Variants in KCNQ1OT1 observed in about 807,000 individuals in gnomAD.
The protein encoded by KCNQ1OT1 is KCNQ1 opposite strand/antisense transcript 1, also known as KCNQ1 antisense RNA 2 (non-protein coding).
exon 1 of KCNQ1OT1, chr11:2,625,529 A>T: frequency 7.6e-6 from 3 of 396,446 alleles, no homozygotes; most frequent in Non-Finnish European, 8.9e-6. Flanking sequence ...ACGTACTATT[A>T]TCCATTTGTA....
Position 2,659,579 on chromosome 11 carries a change from T to A in KCNQ1OT1, n.40416A>T, listed in dbSNP as rs921145239. 2.5e-6 allele frequency: 1 copy of A among 398,368 alleles called. No individual in the cohort carries two copies. The highest frequency in any genetic ancestry group is 1.3e-4 in the South Asian group (1 of 7,852). 24.7% of individuals were successfully genotyped at this position (398,368 alleles called of 1,614,324 possible). ...GTTACTATACACATTTATGTACAGGTTTTTGCGAACATAAAAATTCAATTC... is the reference window on the plus strand; with the variant it reads ...GTTACTATACACATTTATGTACAGGATTTTGCGAACATAAAAATTCAATTC... On this transcript the variant is annotated non_coding_transcript_exon_variant, in exon 1 of 1. Coordinates refer to ENST00000597346, the Ensembl canonical transcript of KCNQ1OT1. This position sits in a 1 kb window ranked among gnomAD's most constrained non-coding sequence, Gnocchi z 4.3.
rs1293227298 is a variant in KCNQ1OT1 at position 2,669,849 on chromosome 11, T to C, written n.30146A>G. On this transcript the variant is annotated non_coding_transcript_exon_variant, in exon 1 of 1. Coordinates refer to ENST00000597346, the Ensembl canonical transcript of KCNQ1OT1. This position sits in a 1 kb window ranked among gnomAD's most constrained non-coding sequence, Gnocchi z 5.6. ...GTCATGAGTTACCATGGGATACAAA[T>C]GGGGTCACAACATATGGCTGTCAGC... The C allele has an allele frequency of 2.5e-6, 1 of 398,508 alleles. No homozygotes were observed. Among genetic ancestry groups the C allele is most frequent in the East Asian group, 3.6e-5 (1 of 28,076 alleles). 24.7% of individuals were successfully genotyped at this position (398,508 alleles called of 1,614,324 possible).
In KCNQ1OT1 at chr11:2,691,260, G is replaced by C; in HGVS notation, n.8735C>G. The C allele has an allele frequency of 2.5e-6, 1 of 398,656 alleles. No homozygotes were observed. Among genetic ancestry groups the C allele is most frequent in the South Asian group, 1.3e-4 (1 of 7,858 alleles). The allele number at this position is 398,656 out of a possible 1,614,324, so 24.7% of individuals were successfully genotyped here. Reference sequence around the variant, plus strand: ...TTAACCCCTTGAGTCTCGGAAGGCTGTTTGAGCCACTAATCAGGAAGGAGA... The same window carrying C: ...TTAACCCCTTGAGTCTCGGAAGGCTCTTTGAGCCACTAATCAGGAAGGAGA... On this transcript the variant is annotated non_coding_transcript_exon_variant, in exon 1 of 1. Coordinates refer to ENST00000597346, the Ensembl canonical transcript of KCNQ1OT1. This position sits in a 1 kb window ranked among gnomAD's most constrained non-coding sequence, Gnocchi z 6.4.
At chr11:2,692,889 C>A (rs1850611307) in exon 1 of KCNQ1OT1, 7 of 398,202 alleles carry the variant, frequency 1.8e-5, no homozygotes, top group Non-Finnish European at 3.1e-5. Flanking sequence ...GTAGATGCAG[C>A]AAGCTGGCTA....
At chr11:2,696,219 T>C in exon 1 of KCNQ1OT1, 1 of 398,690 alleles carries the variant, frequency 2.5e-6, no homozygotes, top group Non-Finnish European at 4.4e-6. Flanking sequence ...TCATTTTTTC[T>C]CCTATTAAAC....
exon 1 of KCNQ1OT1, chr11:2,655,623 A>G: frequency 2.5e-6 from 1 of 398,722 alleles, no homozygotes; most frequent in Non-Finnish European, 4.4e-6. Flanking sequence ...ACTTGCCCTC[A>G]AGCCCTGGCC....
At chr11:2,694,327 G>A (rs1477843742) in exon 1 of KCNQ1OT1, 2 of 398,656 alleles carry the variant, frequency 5.0e-6, no homozygotes, top group Admixed American at 4.4e-5. Context: ...TGTCATCTGC[G>A]GTGCCCCCCA....
chr11:2,695,558 C>G lies in KCNQ1OT1; in HGVS notation n.4437G>C. 2.5e-6 allele frequency: 1 copy of G among 398,686 alleles called. No homozygotes were observed. Among genetic ancestry groups the G allele is most frequent in the Non-Finnish European group, 4.4e-6 (1 of 226,114 alleles). The allele number at this position is 398,686 out of a possible 1,614,324, so 24.7% of individuals were successfully genotyped here. On this transcript the variant is annotated non_coding_transcript_exon_variant, in exon 1 of 1. Coordinates refer to ENST00000597346, the Ensembl canonical transcript of KCNQ1OT1. This position sits in a 1 kb window ranked among gnomAD's most constrained non-coding sequence, Gnocchi z 5.2. ...GCCCACCCCTATGGGCCATGCTGCC[C>G]TGAGCATGCACACACACAGCCTCTC...
At chr11:2,646,660 A>T (rs1849670657) in exon 1 of KCNQ1OT1, 2 of 398,390 alleles carry the variant, frequency 5.0e-6, no homozygotes, top group Admixed American at 4.4e-5. Context: ...TGAGTAGCTG[A>T]ACTTCAGGTG....
In KCNQ1OT1 at chr11:2,654,342, G is replaced by A. The variant is rs1849803591; in HGVS notation, n.45653C>T. ...CAGGGAGGGGGCTTCTACTTGCAAA[G>A]GATAGGGAGAGCTTCTGTTCATCCT... On this transcript the variant is annotated non_coding_transcript_exon_variant, in exon 1 of 1. Coordinates refer to ENST00000597346, the Ensembl canonical transcript of KCNQ1OT1. The surrounding 1 kb of genome is among the most constrained non-coding windows in gnomAD (Gnocchi z 6.4). 1 of 398,716 alleles carries A rather than the reference G, an allele frequency of 2.5e-6. No individual in the cohort carries two copies. Among genetic ancestry groups the A allele is most frequent in the South Asian group, 1.3e-4 (1 of 7,860 alleles). 24.7% of individuals were successfully genotyped at this position (398,716 alleles called of 1,614,324 possible). A position where few individuals can be genotyped will look rare whatever the true frequency, so the allele number is the denominator to read the frequency against.
At position 2,645,199 on chromosome 11, in the gene KCNQ1OT1, A is replaced by T. The variant is rs1849648052; in HGVS notation, n.54796T>A. The stretch of plus-strand genomic sequence containing the variant: ...TATTGGGATGGCTGGGATAAGCTGG[A>T]TGAGCTTGTCCCAAGGCCCACAGGT... On this transcript the variant is annotated non_coding_transcript_exon_variant, in exon 1 of 1. Coordinates refer to ENST00000597346, the Ensembl canonical transcript of KCNQ1OT1. This position sits in a 1 kb window ranked among gnomAD's most constrained non-coding sequence, Gnocchi z 5.8. 3 of 398,558 alleles carry T rather than the reference A, an allele frequency of 7.5e-6. No homozygotes were observed. In the South Asian group the frequency reaches 3.8e-4, roughly 51 times the overall value. 24.7% of individuals were successfully genotyped at this position (398,558 alleles called of 1,614,324 possible). A position where few individuals can be genotyped will look rare whatever the true frequency, so the allele number is the denominator to read the frequency against.
rs1379503927 is a variant in KCNQ1OT1 at position 2,651,881 on chromosome 11, G to T, written n.48114C>A. On this transcript the variant is annotated non_coding_transcript_exon_variant, in exon 1 of 1. Transcript: ENST00000597346. The surrounding 1 kb of genome is among the most constrained non-coding windows in gnomAD (Gnocchi z 6.1). ...TTTCTTGAAGTAGTGTTCAGGCTGA[G>T]GGGGTCATAGCCGAGGGTCCCTCTG... The T allele has an allele frequency of 1.0e-5, 4 of 398,628 alleles. No individual in the cohort carries two copies. Among genetic ancestry groups the T allele is most frequent in the Non-Finnish European group, 1.8e-5 (4 of 226,164 alleles). 24.7% of individuals were successfully genotyped at this position (398,628 alleles called of 1,614,324 possible). A position where few individuals can be genotyped will look rare whatever the true frequency, so the allele number is the denominator to read the frequency against.
exon 1 of KCNQ1OT1, chr11:2,693,294 C>T (rs1850618593): frequency 2.5e-6 from 1 of 398,766 alleles, no homozygotes; most frequent in Non-Finnish European, 4.4e-6. Flanking sequence ...TCCACAACTG[C>T]TCTTAGCACC....
chr11:2,619,649 C>T (rs929585881), exon 1 of KCNQ1OT1: 3 of 396,878 alleles, frequency 7.6e-6, no homozygotes, highest in African/African-American at 2.1e-5. Context: ...GCCTTTGGCT[C>T]ACCTGGGTAT....
In KCNQ1OT1 at chr11:2,617,645, T is replaced by C. The variant is rs1849089030; in HGVS notation, n.82350A>G. 2.5e-6 allele frequency: 1 copy of C among 398,464 alleles called. No individual in the cohort carries two copies. The highest frequency in any genetic ancestry group is 3.6e-5 in the East Asian group (1 of 28,062). The allele number at this position is 398,464 out of a possible 1,614,324, so 24.7% of individuals were successfully genotyped here. On this transcript the variant is annotated non_coding_transcript_exon_variant, in exon 1 of 1. Coordinates refer to ENST00000597346, the Ensembl canonical transcript of KCNQ1OT1. This position sits in a 1 kb window ranked among gnomAD's most constrained non-coding sequence, Gnocchi z 4.6. Reference sequence around the variant, plus strand: ...TTCTTTAGGAGCCACCATTCTGTTTTTCATTATGACTGCACCAATCTACAG... The same window carrying C: ...TTCTTTAGGAGCCACCATTCTGTTTCTCATTATGACTGCACCAATCTACAG...
Position 2,626,662 on chromosome 11 carries a change from G to T in KCNQ1OT1, n.73333C>A. The T allele has an allele frequency of 2.5e-6, 1 of 398,522 alleles. No individual in the cohort carries two copies. 24.7% of individuals were successfully genotyped at this position (398,522 alleles called of 1,614,324 possible). On this transcript the variant is annotated non_coding_transcript_exon_variant, in exon 1 of 1. Transcript: ENST00000597346. The surrounding 1 kb of genome is among the most constrained non-coding windows in gnomAD (Gnocchi z 4.0). ...TCCCACCTCGGCTTCTTGAGTAGCT[G>T]GGAATAGAAGTGTGTACCATTACAC...
chr11:2,633,781 G>A (rs977455984), exon 1 of KCNQ1OT1: 4 of 398,338 alleles, frequency 1.0e-5, no homozygotes, highest in African/African-American at 6.2e-5. Flanking sequence ...GTATACAAGG[G>A]GGATTGCTTC....
rs1849215407 is a variant in KCNQ1OT1, at chr11:2,623,783, AC to A, written n.76211del. ...AAGTCTTCACCTCCTTTGAGTAAAT[AC>A]CAAGGATGTGATTGCTGAACTGCAT... is the stretch of plus-strand genomic sequence containing the variant. On this transcript the variant is annotated non_coding_transcript_exon_variant, in exon 1 of 1. Coordinates refer to ENST00000597346, the Ensembl canonical transcript of KCNQ1OT1. The surrounding 1 kb of genome is among the most constrained non-coding windows in gnomAD (Gnocchi z 5.2). The A allele has an allele frequency of 2.5e-6, 1 of 398,458 alleles. No individual in the cohort carries two copies. The highest frequency in any genetic ancestry group is 2.1e-5 in the African/African-American group (1 of 48,640). 24.7% of individuals were successfully genotyped at this position (398,458 alleles called of 1,614,324 possible). A position where few individuals can be genotyped will look rare whatever the true frequency, so the allele number is the denominator to read the frequency against.
chr11:2,612,141 C>G lies in KCNQ1OT1; in HGVS notation n.87854G>C. Reference sequence around the variant, plus strand: ...GCCATGGACTGGTACCAGTCTGTGGCCTATTAGAAACTGGGCTACACAGCA... The same window carrying G: ...GCCATGGACTGGTACCAGTCTGTGGGCTATTAGAAACTGGGCTACACAGCA... On this transcript the variant is annotated non_coding_transcript_exon_variant, in exon 1 of 1. Transcript: ENST00000597346. This position sits in a 1 kb window ranked among gnomAD's most constrained non-coding sequence, Gnocchi z 5.5. 5.0e-6 allele frequency: 2 copies of G among 398,620 alleles called. No individual in the cohort carries two copies. The highest frequency in any genetic ancestry group is 8.8e-6 in the Non-Finnish European group (2 of 226,070). The allele number at this position is 398,620 out of a possible 1,614,324, so 24.7% of individuals were successfully genotyped here.
Sources: allele counts gnomAD v4.1 joint callset, GRCh38; gene constraint gnomAD v4.1.1; non-coding constraint Gnocchi (gnomAD v3.1); transcripts MANE v1.5; gene names NCBI Gene and HGNC (gene_info 2026-07-23, HGNC 2026-07-21).